PTGES3: variants seen among roughly 807,000 people sequenced by gnomAD.
The protein encoded by PTGES3 is Hsp90 co-chaperone.
Under a neutral mutation model 29.9 loss-of-function variants are expected in PTGES3, and 5 were observed. That is an observed-to-expected ratio of 0.17 (90% CI 0.09 to 0.35). The LOEUF is 0.35. Among genes scored for constraint, PTGES3 ranks in the 10% least tolerant of loss-of-function variants. PTGES3 has a pLI of 1.00. For missense variants in PTGES3, 128 were observed against 190.0 expected, an observed-to-expected ratio of 0.67 and a Z score of 1.92; for synonymous variants, 49 against 57.8, an observed-to-expected ratio of 0.85 and a Z score of 0.69.
chr12:56,684,289 G>T, intron 1 of PTGES3, among the ~76,000 whole-genome samples: 1 of 152,192 alleles, frequency 6.6e-6, no homozygotes, highest in Non-Finnish European at 1.5e-5. Context: ...TTGCACTCAA[G>T]AAATTTTTCA....
chr12:56,677,239 C>T (rs958451527), intron 1 of PTGES3, among the ~76,000 whole-genome samples: 7 of 147,928 alleles, frequency 4.7e-5, no homozygotes, highest in African/African-American at 1.3e-4. Context: ...ACTCCTTCTC[C>T]GCACCACCCA....
intron 1 of PTGES3, among the ~76,000 whole-genome samples, chr12:56,674,429 C>T (rs943418988): frequency 1.3e-5 from 2 of 151,988 alleles, no homozygotes; most frequent in African/African-American, 4.8e-5. Context: ...CGGTGGCTCA[C>T]GCCTGTAATC....
At position 56,664,259 on chromosome 12, in the gene PTGES3, A is replaced by G. The variant is rs1371783911; in HGVS notation, c.*220T>C. 5 of 461,494 alleles carry G rather than the reference A, an allele frequency of 1.1e-5. No homozygotes were observed. The highest frequency in any genetic ancestry group is 2.0e-5 in the Non-Finnish European group (5 of 252,906). 28.6% of individuals were successfully genotyped at this position (461,494 alleles called of 1,614,324 possible). Reference sequence around the variant, plus strand: ...ATGAAAGTCTGGGAAATGTTCATGCATAAGGTTATTGCCTTAGCTGACTTA... The same window carrying G: ...ATGAAAGTCTGGGAAATGTTCATGCGTAAGGTTATTGCCTTAGCTGACTTA... On this transcript the variant is annotated 3_prime_UTR_variant, in exon 8 of 8. Coordinates refer to ENST00000262033, the MANE Select transcript of PTGES3 (RefSeq NM_006601.7).
rs1952984230 is a variant in PTGES3, at chr12:56,688,253, A to AACGT, written c.-258_-255dup. On this transcript the variant is annotated 5_prime_UTR_variant, in exon 1 of 8. Coordinates refer to ENST00000262033, the MANE Select transcript of PTGES3 (RefSeq NM_006601.7). ...AAAAGGGGCGCGAGGACGGAGAATG[A>AACGT]ACGTGCGTGCGTGCAAACGAGGGGT... is the stretch of plus-strand genomic sequence containing the variant. 1 of 584,042 alleles carries AACGT rather than the reference A, an allele frequency of 1.7e-6. No homozygotes were observed. The highest frequency in any genetic ancestry group is 2.7e-6 in the Non-Finnish European group (1 of 372,686). The allele number at this position is 584,042 out of a possible 1,614,324, so 36.2% of individuals were successfully genotyped here.
intron 1 of PTGES3, among the ~76,000 whole-genome samples, chr12:56,683,725 C>T (rs1420136746): frequency 1.3e-5 from 2 of 150,924 alleles, no homozygotes; most frequent in Admixed American, 6.6e-5. Flanking sequence ...TTTGGGAGGC[C>T]GAGGCAGGCG....
intron 1 of PTGES3, among the ~76,000 whole-genome samples, chr12:56,679,408 C>CAA (rs770485836): frequency 0.047 from 2,976 of 63,396 alleles, 207 homozygotes; most frequent in South Asian, 0.067. Context: ...GACTCTGCCT[C>CAA]AAAAAAAAAA....
At chr12:56,677,684 G>A (rs371855342) in intron 1 of PTGES3, among the ~76,000 whole-genome samples, 2 of 151,566 alleles carry the variant, frequency 1.3e-5, no homozygotes, top group South Asian at 4.2e-4. Flanking sequence ...TTGGTGGGGT[G>A]GGTACCTGTG....
Position 56,687,194 on chromosome 12 carries a change from A to G in PTGES3, c.2+804T>C, listed in dbSNP as rs140435657. ...CTTTGGGACGACTGTAGGTTAATTA[A>G]ATGCCTACTACATACCTATTTCATC... On this transcript the variant is annotated intron_variant, in intron 1 of 7. Coordinates refer to ENST00000262033, the MANE Select transcript of PTGES3 (RefSeq NM_006601.7). 316 of 1,065,506 alleles carry G rather than the reference A, an allele frequency of 3.0e-4. 4 individuals carry two copies. In the African/African-American group the frequency reaches 4.8e-3, roughly 16 times the overall value. The allele number at this position is 1,065,506 out of a possible 1,614,324, so 66.0% of individuals were successfully genotyped here.
intron 4 of PTGES3, among the ~76,000 whole-genome samples, chr12:56,671,291 G>A (rs1204664889): frequency 1.3e-5 from 2 of 152,044 alleles, no homozygotes; most frequent in Non-Finnish European, 2.9e-5. Context: ...CCAGCTACTT[G>A]GGGGACTGAG....
At chr12:56,676,229 C>CT (rs1419592245) in intron 1 of PTGES3, among the ~76,000 whole-genome samples, 3 of 68,816 alleles carry the variant, frequency 4.4e-5, no homozygotes, top group African/African-American at 8.1e-5. Flanking sequence ...GTGTCTCCCC[C>CT]CCCAAAAAAA....
chr12:56,683,957 CA>C (rs11386164), intron 1 of PTGES3, among the ~76,000 whole-genome samples: 31 of 109,304 alleles, frequency 2.8e-4, no homozygotes, highest in South Asian at 5.3e-4. Flanking sequence ...AACTCCGTCT[CA>C]AAAAAAAAAA....
intron 4 of PTGES3, 73 bp downstream of exon 4, chr12:56,671,675 AC>A: frequency 1.1e-6 from 1 of 935,896 alleles, no homozygotes; most frequent in Non-Finnish European, 1.6e-6. Context: ...CATATTCCTT[AC>A]ATCAAATAAG....
chr12:56,685,470 C>T (rs1275902897), intron 1 of PTGES3, among the ~76,000 whole-genome samples: 1 of 148,840 alleles, frequency 6.7e-6, no homozygotes, highest in African/African-American at 2.5e-5. Flanking sequence ...GCGCAATCGC[C>T]GCTCACTGCA....
intron 5 of PTGES3, among the ~76,000 whole-genome samples, chr12:56,667,540 G>A (rs149954809): frequency 2.8e-4 from 42 of 152,238 alleles, no homozygotes; most frequent in Middle Eastern, 3.4e-3. Flanking sequence ...TCTGAAGCAC[G>A]TCATGCTATG....
At chr12:56,687,022 A>C (rs1952901508) in intron 1 of PTGES3, 1 of 392,202 alleles carries the variant, frequency 2.5e-6, no homozygotes, top group African/African-American at 2.1e-5. Context: ...AAAAAAAAAA[A>C]AAAAAAAACC....
intron 1 of PTGES3, among the ~76,000 whole-genome samples, chr12:56,674,903 C>T (rs1162608509): frequency 7.4e-6 from 1 of 136,024 alleles, no homozygotes; most frequent in African/African-American, 2.8e-5. Flanking sequence ...ACTCAGGAGG[C>T]TGAGTCAGGA....
At chr12:56,682,505 G>T (rs1468633934) in intron 1 of PTGES3, among the ~76,000 whole-genome samples, 1 of 152,048 alleles carries the variant, frequency 6.6e-6, no homozygotes, top group Non-Finnish European at 1.5e-5. Context: ...GCTGCAGACA[G>T]TGATGACACC....
chr12:56,665,133 A>T, intron 6 of PTGES3: 1 of 985,382 alleles, frequency 1.0e-6, no homozygotes, highest in Non-Finnish European at 1.2e-6. Context: ...GAAGACAGTG[A>T]ACTCTAATCC....
At chr12:56,665,387 C>T (rs369388617) in intron 6 of PTGES3, 16 of 880,294 alleles carry the variant, frequency 1.8e-5, no homozygotes, top group South Asian at 5.2e-5. Flanking sequence ...CTCTGCCTCC[C>T]GGGTTCAAGC....
Sources: allele counts gnomAD v4.1 joint callset (sites outside exome capture counted in the v4.1 genomes callset), GRCh38; gene constraint gnomAD v4.1.1; transcripts MANE v1.5; gene names NCBI Gene and HGNC (gene_info 2026-07-23, HGNC 2026-07-21).